The following RFTN2 variants were observed in gnomAD, a reference collection of about 807,000 sequenced individuals.
RFTN2 encodes raftlin family member 2, also known as raftlin-2.
Under a neutral mutation model 52.7 loss-of-function variants are expected in RFTN2, and 34 were observed. That is an observed-to-expected ratio of 0.64 (90% CI 0.49 to 0.86). The LOEUF (loss-of-function observed/expected upper bound fraction) is 0.86, where lower values mean the gene tolerates loss of function less well. Ranked by LOEUF, RFTN2 falls within the 40% of genes least tolerant of loss-of-function variation. The pLI, the probability that RFTN2 is intolerant of heterozygous loss-of-function variation, is 0.00. For synonymous variants in RFTN2, 203 were observed against 217.7 expected (o/e 0.93, Z 0.59); for missense variants, 536 against 600.1 (o/e 0.89, Z 1.12).
intron 7 of RFTN2, among the ~76,000 whole-genome samples, chr2:197,598,960 T>C (rs1335326541): frequency 6.8e-6 from 1 of 147,158 alleles, no homozygotes; most frequent in East Asian, 2.0e-4. Context: ...TTCTTCTTCT[T>C]TTTTTTTTTT....
chr2:197,594,015 CTTTTTTT>C (rs11352058), intron 8 of RFTN2, among the ~76,000 whole-genome samples: 1 of 95,992 alleles, frequency 1.0e-5, no homozygotes, highest in African/African-American at 4.4e-5. Context: ...CAGAATATTT[CTTTTTTT>C]TTTTTTTTTT....
At chr2:197,592,369 A>C (rs1364479066) in intron 8 of RFTN2, among the ~76,000 whole-genome samples, 1 of 152,008 alleles carries the variant, frequency 6.6e-6, no homozygotes, top group African/African-American at 2.4e-5. Context: ...CTAATTGTGT[A>C]TTTTTAGTAG....
At chr2:197,606,218 G>C (rs1026152261) in intron 7 of RFTN2, among the ~76,000 whole-genome samples, 1 of 152,084 alleles carries the variant, frequency 6.6e-6, no homozygotes, top group Non-Finnish European at 1.5e-5. Flanking sequence ...AGACCTTCAT[G>C]GCAGGACCTG....
chr2:197,652,673 T>C (rs2088841457), intron 1 of RFTN2, among the ~76,000 whole-genome samples: 1 of 152,194 alleles, frequency 6.6e-6, no homozygotes, highest in African/African-American at 2.4e-5. Flanking sequence ...TAATAGTGTG[T>C]TTTATAATCA....
chr2:197,655,498 A>G (rs1485026572), intron 1 of RFTN2, among the ~76,000 whole-genome samples: 1 of 152,240 alleles, frequency 6.6e-6, no homozygotes, highest in Non-Finnish European at 1.5e-5. Context: ...GTTGTACATC[A>G]GTGCTAATAA....
chr2:197,644,162 T>C lies in RFTN2; in HGVS notation c.434A>G (p.Glu145Gly), dbSNP rs780307642. ...AAAAGTGCATAAATTTAGTACCTTT[T>C]CTATCAGTTCTTTTGCTGCGTCATT... ...QTNDAAKELI[E>G]KINVAAKRGM... is the part of the protein sequence containing the mutation. The change falls in exon 3 of 9, where the codon GAA becomes GGA. Residue 145 changes from glutamate (E) to glycine (G), a missense_variant. Coordinates refer to ENST00000295049, the MANE Select transcript of RFTN2 (RefSeq NM_144629.3). The C allele has an allele frequency of 3.2e-6, 5 of 1,578,168 alleles. No homozygotes were observed. The African/African-American group carries it at 5.4e-5, about 17-fold the overall frequency.
chr2:197,585,069 C>T (rs534373665), intron 8 of RFTN2, among the ~76,000 whole-genome samples: 19 of 152,280 alleles, frequency 1.2e-4, no homozygotes, highest in Admixed American at 2.0e-4. Context: ...AGGCTGTGTC[C>T]GTTGGACAGC....
chr2:197,615,742 C>T (rs768619898), intron 7 of RFTN2, 134 bp downstream of exon 7: 11 of 594,550 alleles, frequency 1.9e-5, no homozygotes, highest in Non-Finnish European at 2.7e-5. Flanking sequence ...CTCTAAGGTC[C>T]ATAAAATCAA....
At chr2:197,590,106 G>C (rs2087678303) in intron 8 of RFTN2, among the ~76,000 whole-genome samples, 1 of 150,192 alleles carries the variant, frequency 6.7e-6, no homozygotes, top group Non-Finnish European at 1.5e-5. Context: ...GGGTTTTGCT[G>C]AGCTGACCAG....
At chr2:197,656,409 C>T (rs144577923) in intron 1 of RFTN2, among the ~76,000 whole-genome samples, 41 of 152,212 alleles carry the variant, frequency 2.7e-4, no homozygotes, top group African/African-American at 8.7e-4. Context: ...AGCATGTGAT[C>T]TAGAACAAGT....
intron 8 of RFTN2, among the ~76,000 whole-genome samples, chr2:197,590,777 G>C (rs2087695404): frequency 6.6e-6 from 1 of 152,200 alleles, no homozygotes; most frequent in Admixed American, 6.5e-5. Flanking sequence ...GTCTGGAGTT[G>C]TTCGTTCCTC....
At chr2:197,608,516 G>A (rs2087998551) in intron 7 of RFTN2, among the ~76,000 whole-genome samples, 1 of 150,862 alleles carries the variant, frequency 6.6e-6, no homozygotes, top group Admixed American at 6.6e-5. Flanking sequence ...GTTTCACCAT[G>A]TTAGCTAGGC....
Position 197,590,477 on chromosome 2 carries a change from C to T in RFTN2, c.1233+5514G>A, listed in dbSNP as rs77683750. Among the ~76,000 whole-genome samples, 1,060 of 152,302 alleles carry T rather than the reference C, an allele frequency of 7.0e-3. 6 individuals carry two copies. The highest frequency in any genetic ancestry group is 0.019 in the South Asian group (92 of 4,824). ...AGAAAAAAATCCAATGATACGCTTT[C>T]TTCATTGTGCAATCCTCAATTTCCT... On this transcript the variant is annotated intron_variant, in intron 8 of 8. Coordinates refer to ENST00000295049, the MANE Select transcript of RFTN2 (RefSeq NM_144629.3).
rs185108192 is a variant in RFTN2, at chr2:197,600,029, T to C, written c.1155-3960A>G. 1.4e-3 allele frequency among the ~76,000 whole-genome samples: 209 copies of C among 152,134 alleles called. 1 individual carries two copies. The highest frequency in any genetic ancestry group is 4.4e-3 in the African/African-American group (183 of 41,496). Reference sequence around the variant, plus strand: ...ACACACCACCACATCTGGCTTTTTTTTGTATTTTTAGTAGAGATGGGGTTT... The same window carrying C: ...ACACACCACCACATCTGGCTTTTTTCTGTATTTTTAGTAGAGATGGGGTTT... On this transcript the variant is annotated intron_variant, in intron 7 of 8. Coordinates refer to ENST00000295049, the MANE Select transcript of RFTN2 (RefSeq NM_144629.3).
Position 197,596,085 on chromosome 2 carries a change from ATAGTAT to A in RFTN2, c.1155-22_1155-17del, listed in dbSNP as rs1293549688. The A allele has an allele frequency of 1.3e-6, 2 of 1,516,402 alleles. No individual in the cohort carries two copies. Among genetic ancestry groups the A allele is most frequent in the Admixed American group, 3.4e-5 (2 of 59,484 alleles). The allele number at this position is 1,516,402 out of a possible 1,614,324, so 93.9% of individuals were successfully genotyped here. A position where few individuals can be genotyped will look rare whatever the true frequency, so the allele number is the denominator to read the frequency against. ...ATTCCCTTCACTGCAAATTAAAACA[ATAGTAT>A]TAGTATTTGTGAGTTAGTAATTCTC... On this transcript the variant is annotated splice_polypyrimidine_tract_variant and intron_variant, in intron 7 of 8. Transcript: ENST00000295049.
intron 5 of RFTN2, among the ~76,000 whole-genome samples, chr2:197,619,137 G>T (rs1188756351): frequency 6.6e-6 from 1 of 151,198 alleles, no homozygotes; most frequent in Non-Finnish European, 1.5e-5. Context: ...AGGGAGGTGG[G>T]GGGGGTCAGC....
At chr2:197,647,309 A>C (rs1395352271) in intron 1 of RFTN2, among the ~76,000 whole-genome samples, 1 of 151,750 alleles carries the variant, frequency 6.6e-6, no homozygotes, top group East Asian at 1.9e-4. Context: ...TGTAGCCCCC[A>C]CCTCCCGGGC....
chr2:197,616,466 A>AT (rs1291071209), intron 6 of RFTN2, among the ~76,000 whole-genome samples: 1 of 151,540 alleles, frequency 6.6e-6, no homozygotes, highest in Non-Finnish European at 1.5e-5. Flanking sequence ...TAATTTTAAA[A>AT]TTTTTTGTAG....
At chr2:197,619,792 A>C (rs1320209351) in intron 5 of RFTN2, among the ~76,000 whole-genome samples, 1 of 150,466 alleles carries the variant, frequency 6.6e-6, no homozygotes, top group Admixed American at 6.6e-5. Context: ...ATTAAAAAAA[A>C]ACATTTGTTT....
Sources: gnomAD v4.1 joint callset for allele counts (sites outside exome capture counted in the v4.1 genomes callset) on GRCh38, gnomAD v4.1.1 for gene constraint, MANE v1.5 for transcripts, NCBI Gene and HGNC (gene_info 2026-07-23, HGNC 2026-07-21) for gene names.